Variants in COG3 observed in about 807,000 individuals in gnomAD.
COG3 encodes the protein component of oligomeric golgi complex 3.
In COG3, 32 loss-of-function variants were observed where a neutral mutation model predicts 114.1. The observed-to-expected ratio is 0.28, with a 90% CI of 0.21 to 0.38. The LOEUF is 0.38. COG3 is among the 10% of genes least tolerant of loss of function. The pLI, the probability that COG3 is intolerant of heterozygous loss-of-function variation, is 1.00. For missense variants in COG3, 813 were observed against 973.2 expected (o/e 0.84, Z 2.19); for synonymous variants, 352 against 365.7 (o/e 0.96, Z 0.43).
chr13:45,498,326 T>C (rs927402651), intron 13 of COG3, among the ~76,000 whole-genome samples: 7 of 151,534 alleles, frequency 4.6e-5, no homozygotes, highest in Non-Finnish European at 5.9e-5. Context: ...ATAGTCCATA[T>C]TGAAATTTCC....
Position 45,535,955 on chromosome 13 carries a change from C to T in COG3, c.*1224C>T. 1 of 859,466 alleles carries T rather than the reference C, an allele frequency of 1.2e-6. No homozygotes were observed. Among genetic ancestry groups the T allele is most frequent in the African/African-American group, 1.8e-5 (1 of 54,842 alleles). The allele number at this position is 859,466 out of a possible 1,614,324, so 53.2% of individuals were successfully genotyped here. On this transcript the variant is annotated 3_prime_UTR_variant, in exon 23 of 23. Transcript: ENST00000349995. The stretch of plus-strand genomic sequence containing the variant: ...GGGGTTCTGGAATGGGACCAGGGGA[C>T]CTTTTGGTGCAGTGGGTGCCTGTAA...
At chr13:45,476,784 C>A (rs1449568686) in intron 2 of COG3, among the ~76,000 whole-genome samples, 1 of 152,042 alleles carries the variant, frequency 6.6e-6, no homozygotes, top group Non-Finnish European at 1.5e-5. Flanking sequence ...GTAATTTTTT[C>A]TTGGTTTTTG....
rs1035012721 is a variant in COG3 at position 45,509,624 on chromosome 13, C to T, written c.1595-68C>T. On this transcript the variant is annotated intron_variant, in intron 14 of 22. Transcript: ENST00000349995. The stretch of plus-strand genomic sequence containing the variant: ...ATGAGAATAAGCAGTTTATAGTTGC[C>T]ATGTAAATTATTGTAAGACAAATAT... 5.1e-6 allele frequency: 8 copies of T among 1,583,436 alleles called. No homozygotes were observed. The Admixed American group carries it at 1.4e-4, about 27-fold the overall frequency.
intron 22 of COG3, chr13:45,531,139 A>T: frequency 1.1e-6 from 1 of 894,124 alleles, no homozygotes; most frequent in Non-Finnish European, 1.3e-6. Context: ...AAAATTTTTG[A>T]TTTTTCTGTA....
intron 19 of COG3, among the ~76,000 whole-genome samples, 181 bp downstream of exon 19, chr13:45,519,275 T>TA (rs1871855825): frequency 6.6e-6 from 1 of 152,248 alleles, no homozygotes; most frequent in Non-Finnish European, 1.5e-5. Flanking sequence ...GACTTTTAGA[T>TA]ATGCTTGCAC....
rs948467614 is a variant in COG3, at chr13:45,468,695, G to A, written c.174+3485G>A. 5.3e-5 allele frequency among the ~76,000 whole-genome samples: 8 copies of A among 152,352 alleles called. No individual in the cohort carries two copies. The South Asian group carries it at 1.7e-3, about 32-fold the overall frequency. On this transcript the variant is annotated intron_variant, in intron 1 of 22. Transcript: ENST00000349995. ...GTCAGGCAAAGCTTGAGAATTTATT[G>A]TACTTACTATTTAATGTTAGTGTCT...
intron 19 of COG3, among the ~76,000 whole-genome samples, chr13:45,519,637 G>C (rs558476502): frequency 1.3e-5 from 2 of 152,228 alleles, no homozygotes; most frequent in East Asian, 3.9e-4. Flanking sequence ...TGGAAACTGT[G>C]ACTTTAAGTG....
chr13:45,493,564 T>C, intron 12 of COG3, 78 bp downstream of exon 12: 1 of 1,288,332 alleles, frequency 7.8e-7, no homozygotes, highest in East Asian at 2.4e-5. Flanking sequence ...GCTTCTTCCC[T>C]CACCCCACTA....
In COG3 at chr13:45,481,304, A is replaced by G. The variant is rs1886234052; in HGVS notation, c.624A>G (p.Thr208=). ...SYFNELETIN[T]KLNSPTLSVN... The stretch of plus-strand genomic sequence containing the variant: ...TTAACGAATTGGAAACTATTAACAC[A>G]GTAAGCATTGTTCTTTACTTCTTAT... The change falls in exon 5 of 23, where the codon ACA becomes ACG. Residue 208 remains threonine, a splice_region_variant and synonymous_variant. Transcript: ENST00000349995. 6.7e-7 allele frequency: 1 copy of G among 1,503,014 alleles called. No homozygotes were observed. Among genetic ancestry groups the G allele is most frequent in the South Asian group, 1.2e-5 (1 of 86,414 alleles). The allele number at this position is 1,503,014 out of a possible 1,614,324, so 93.1% of individuals were successfully genotyped here.
chr13:45,524,850 AT>A lies in COG3; in HGVS notation c.2155-124del, dbSNP rs1872526941. 3 of 566,242 alleles carry A rather than the reference AT, an allele frequency of 5.3e-6. No individual in the cohort carries two copies. The South Asian group carries it at 8.6e-5, about 16-fold the overall frequency. 35.1% of individuals were successfully genotyped at this position (566,242 alleles called of 1,614,324 possible). A position where few individuals can be genotyped will look rare whatever the true frequency, so the allele number is the denominator to read the frequency against. On this transcript the variant is annotated intron_variant, in intron 19 of 22. Coordinates refer to ENST00000349995, the MANE Select transcript of COG3 (RefSeq NM_031431.4). ...TTTTAGGGCTGCACATTTGATTATC[AT>A]TGTGTTTTAATAGGTTTAAATGGTG...
intron 1 of COG3, among the ~76,000 whole-genome samples, chr13:45,470,181 A>G (rs186842037): frequency 3.9e-5 from 6 of 152,338 alleles, no homozygotes; most frequent in Admixed American, 3.9e-4. Flanking sequence ...AGGTGTGTAT[A>G]CTGTTATTTG....
In COG3 at chr13:45,486,521, C is replaced by T; in HGVS notation, c.870C>T (p.Asp290=). ...KRDPSSVPNA[D]NAFTLFYVKF... ...ATCCTTCATCTGTACCTAATGCAGA[C>T]AATGCCTTCACATTATTTTATGTGA... Residue 290 remains aspartate, a synonymous_variant, in exon 8 of 23, where the codon GAC becomes GAT. Coordinates refer to ENST00000349995, the MANE Select transcript of COG3 (RefSeq NM_031431.4). The T allele has an allele frequency of 6.2e-7, 1 of 1,610,084 alleles. No homozygotes were observed. The highest frequency in any genetic ancestry group is 8.5e-7 in the Non-Finnish European group (1 of 1,176,336).
At chr13:45,486,310 A>C (rs1886647150) in intron 7 of COG3, among the ~76,000 whole-genome samples, 185 bp from the exon 8 acceptor site, 1 of 59,606 alleles carries the variant, frequency 1.7e-5, no homozygotes, top group Non-Finnish European at 3.2e-5. Context: ...GAGACGGGAG[A>C]CGGGAGACGG....
At chr13:45,482,842 G>T (rs886130217) in intron 6 of COG3, among the ~76,000 whole-genome samples, 1 of 152,120 alleles carries the variant, frequency 6.6e-6, no homozygotes, top group African/African-American at 2.4e-5. Flanking sequence ...GTGTTACTTG[G>T]GGGGAAATAA....
At chr13:45,518,519 C>CT (rs917869495) in intron 17 of COG3, among the ~76,000 whole-genome samples, 3 of 152,052 alleles carry the variant, frequency 2.0e-5, no homozygotes, top group South Asian at 2.1e-4. Context: ...TATCATTTTT[C>CT]TTTTTTTTGG....
intron 1 of COG3, chr13:45,466,398 T>G (rs1011077689): frequency 6.6e-6 from 1 of 152,206 alleles, no homozygotes. Context: ...GTTTAGAGTC[T>G]TCAACTTTTT....
chr13:45,489,299 A>T (rs947217232), intron 8 of COG3, among the ~76,000 whole-genome samples: 2 of 139,194 alleles, frequency 1.4e-5, no homozygotes, highest in African/African-American at 5.2e-5. Context: ...GTTTAAAGGA[A>T]TTTTTTTTTT....
At chr13:45,474,151 C>CTTTTTTTTTTTTTT (rs10558884) in intron 1 of COG3, among the ~76,000 whole-genome samples, 3 of 82,014 alleles carry the variant, frequency 3.7e-5, no homozygotes, top group African/African-American at 9.9e-5. Context: ...CTTTTTTACT[C>CTTTTTTTTTTTTTT]TTTTTTTTTT....
At chr13:45,512,513 T>A (rs976577489) in intron 16 of COG3, among the ~76,000 whole-genome samples, 2 of 152,124 alleles carry the variant, frequency 1.3e-5, no homozygotes, top group African/African-American at 4.8e-5. Flanking sequence ...TTGTATTTTT[T>A]GTGGAGACAG....
Sources: allele counts gnomAD v4.1 joint callset (sites outside exome capture counted in the v4.1 genomes callset), GRCh38; gene constraint gnomAD v4.1.1; transcripts MANE v1.5; gene names NCBI Gene and HGNC (gene_info 2026-07-23, HGNC 2026-07-21).